Variants in DCN observed in about 807,000 individuals in gnomAD.
DCN encodes the protein decorin.
In DCN, 17 loss-of-function variants were observed where a neutral mutation model predicts 36.5. The observed-to-expected ratio is 0.47, with a 90% confidence interval of 0.32 to 0.70. The LOEUF is 0.70. Ranked by LOEUF, DCN falls within the 30% of genes least tolerant of loss-of-function variation. The pLI is 0.04. For missense variants in DCN, 389 were observed against 430.1 expected, an observed-to-expected ratio of 0.90 and a Z score of 0.84; for synonymous variants, 163 against 161.4, an observed-to-expected ratio of 1.01 and a Z score of -0.07.
intron 3 of DCN, among the ~76,000 whole-genome samples, chr12:91,163,596 G>A (rs1348101881): frequency 2.0e-5 from 3 of 152,150 alleles, no homozygotes; most frequent in Non-Finnish European, 4.4e-5. Context: ...CCCTTTGTGA[G>A]TGGCATCTCT....
intron 7 of DCN, among the ~76,000 whole-genome samples, chr12:91,149,652 C>G (rs553118821): frequency 6.6e-6 from 1 of 152,086 alleles, no homozygotes; most frequent in South Asian, 2.1e-4. Context: ...AATAAAATAA[C>G]TAAAGCTGTC....
intron 3 of DCN, among the ~76,000 whole-genome samples, chr12:91,161,438 T>C (rs1037115137): frequency 6.6e-6 from 1 of 152,230 alleles, no homozygotes; most frequent in African/African-American, 2.4e-5. Context: ...TTAAAAATAT[T>C]TTAGTAATCT....
intron 7 of DCN, 99 bp from the exon 8 acceptor site, chr12:91,146,351 C>CT (rs376886852): frequency 0.14 from 45,325 of 312,972 alleles, 13 homozygotes; most frequent in South Asian, 0.19. Flanking sequence ...TAATCCTTCA[C>CT]TTTTTTTTTT....
At chr12:91,146,572 T>A (rs1881041832) in intron 7 of DCN, among the ~76,000 whole-genome samples, 1 of 152,104 alleles carries the variant, frequency 6.6e-6, no homozygotes, top group Non-Finnish European at 1.5e-5. Context: ...CAGGCTGGTC[T>A]AGAACTTCTG....
chr12:91,158,200 T>C (rs1180185287), intron 4 of DCN, 96 bp downstream of exon 4: 1 of 810,372 alleles, frequency 1.2e-6, no homozygotes, highest in African/African-American at 1.7e-5. Flanking sequence ...GGCATGTAGC[T>C]TGTAGCTAAT....
chr12:91,155,617 T>C (rs1881716398), intron 5 of DCN, among the ~76,000 whole-genome samples: 1 of 124,410 alleles, frequency 8.0e-6, no homozygotes, highest in Non-Finnish European at 1.6e-5. Context: ...TTTAATAAGA[T>C]CTATCTATCT....
chr12:91,179,431 C>G (rs779202356), intron 1 of DCN: 3 of 152,284 alleles, frequency 2.0e-5, no homozygotes, highest in Non-Finnish European at 4.4e-5. Flanking sequence ...CTCATCCAGG[C>G]AAGATGCTGC....
chr12:91,166,821 A>C (rs1565783895), intron 2 of DCN, among the ~76,000 whole-genome samples: 1 of 152,268 alleles, frequency 6.6e-6, no homozygotes, highest in Non-Finnish European at 1.5e-5. Flanking sequence ...CTTGTAGTTT[A>C]GTTCTTGGAG....
At chr12:91,172,986 A>C (rs1883069791) in intron 2 of DCN, 2 of 439,644 alleles carry the variant, frequency 4.5e-6, no homozygotes, top group Non-Finnish European at 7.9e-6. Flanking sequence ...TACAGTAAAA[A>C]AGGCAGAAGT....
At chr12:91,168,720 T>C (rs1381607854) in intron 2 of DCN, among the ~76,000 whole-genome samples, 1 of 152,234 alleles carries the variant, frequency 6.6e-6, no homozygotes, top group Non-Finnish European at 1.5e-5. Context: ...TTATAATAAT[T>C]ATATTTTTTC....
intron 3 of DCN, 94 bp downstream of exon 3, chr12:91,164,511 G>GTTGGTACATA: frequency 3.7e-6 from 2 of 547,372 alleles, no homozygotes; most frequent in Non-Finnish European, 6.9e-6. Flanking sequence ...GTGCTTCTTT[G>GTTGGTACATA]TTGGTACATA....
chr12:91,148,073 CT>C (rs201463809), intron 7 of DCN, among the ~76,000 whole-genome samples: 1,546 of 140,564 alleles, frequency 0.011, 15 homozygotes, highest in African/African-American at 0.03. Context: ...ACAACAAGGT[CT>C]TTTTTTTTTT....
chr12:91,159,632 C>T (rs1205043243), intron 3 of DCN, among the ~76,000 whole-genome samples: 3 of 151,376 alleles, frequency 2.0e-5, no homozygotes, highest in Non-Finnish European at 4.4e-5. Context: ...ATGACAAATA[C>T]GTTAATATTT....
chr12:91,172,864 C>A (rs1028871430), intron 2 of DCN: 1 of 619,936 alleles, frequency 1.6e-6, no homozygotes, highest in East Asian at 2.9e-5. Flanking sequence ...TGCAATACTT[C>A]TTTTCTAGTG....
chr12:91,178,361 C>T lies in DCN; in HGVS notation c.192G>A (p.Val64=), dbSNP rs1367982470. The change falls in exon 2 of 8, where the codon GTG becomes GTA. Residue 64 remains valine, a synonymous_variant. Transcript: ENST00000052754. ...CPFRCQCHLR[V]VQCSDLGLDK... ...ACTCACCCAAATCAGAACACTGGACCACTCGAAGATGGCATTGACAGCGGA... is the reference window on the plus strand; with the variant it reads ...ACTCACCCAAATCAGAACACTGGACTACTCGAAGATGGCATTGACAGCGGA... 2 of 1,613,628 alleles carry T rather than the reference C, an allele frequency of 1.2e-6. No homozygotes were observed. Among genetic ancestry groups the T allele is most frequent in the African/African-American group, 1.3e-5 (1 of 74,806 alleles).
chr12:91,158,195 G>A lies in DCN; in HGVS notation c.538+101C>T, dbSNP rs1881923586. ...TATAAATCACATAGGCTCCAGGCATGTAGCTTGTAGCTAATTTACCTTCCT... is the reference window on the plus strand; with the variant it reads ...TATAAATCACATAGGCTCCAGGCATATAGCTTGTAGCTAATTTACCTTCCT... On this transcript the variant is annotated intron_variant, in intron 4 of 7. Coordinates refer to ENST00000052754, the MANE Select transcript of DCN (RefSeq NM_001920.5). 4 of 790,572 alleles carry A rather than the reference G, an allele frequency of 5.1e-6. No homozygotes were observed. In the East Asian group the frequency reaches 7.3e-5, roughly 15 times the overall value. The allele number at this position is 790,572 out of a possible 1,614,324, so 49.0% of individuals were successfully genotyped here.
chr12:91,159,356 A>G (rs1262419040), intron 3 of DCN, among the ~76,000 whole-genome samples: 1 of 152,180 alleles, frequency 6.6e-6, no homozygotes, highest in Non-Finnish European at 1.5e-5. Context: ...TGGCCAAAAT[A>G]ATATCATGTT....
chr12:91,169,401 A>AAAAAAC (rs1882797975), intron 2 of DCN, among the ~76,000 whole-genome samples: 2 of 145,858 alleles, frequency 1.4e-5, no homozygotes, highest in South Asian at 2.2e-4. Flanking sequence ...AAAAAAAAAA[A>AAAAAAC]CCAAAAAACA....
rs945036916 is a variant in DCN, at chr12:91,145,982, C to G, written c.*76G>C. The stretch of plus-strand genomic sequence containing the variant: ...CACATTGCAGTTAGGTTTCCAGTAT[C>G]TAGCTTTTATTTATTTTTTAGCAAT... On this transcript the variant is annotated 3_prime_UTR_variant, in exon 8 of 8. Coordinates refer to ENST00000052754, the MANE Select transcript of DCN (RefSeq NM_001920.5). 10 of 1,275,050 alleles carry G rather than the reference C, an allele frequency of 7.8e-6. No individual in the cohort carries two copies. The African/African-American group carries it at 1.5e-4, about 19-fold the overall frequency. The allele number at this position is 1,275,050 out of a possible 1,614,324, so 79.0% of individuals were successfully genotyped here.
Sources: gnomAD v4.1 joint callset for allele counts (sites outside exome capture counted in the v4.1 genomes callset) on GRCh38, gnomAD v4.1.1 for gene constraint, MANE v1.5 for transcripts, NCBI Gene and HGNC (gene_info 2026-07-23, HGNC 2026-07-21) for gene names.